HEMK2: variants seen among roughly 807,000 people sequenced by gnomAD.
The protein encoded by HEMK2 is methyltransferase HEMK2.
the HEMK2 span, among the ~76,000 whole-genome samples, chr21:28,864,598 C>A: frequency 1.6e-4 from 25 of 152,246 alleles, no homozygotes; most frequent in East Asian, 3.3e-3. Context: ...GACCCATATG[C>A]ATAAACATTT....
At chr21:28,712,604 A>G in the HEMK2 span, among the ~76,000 whole-genome samples, 1 of 152,190 alleles carries the variant, frequency 6.6e-6, no homozygotes, top group Admixed American at 6.5e-5. Flanking sequence ...CAACAATCAA[A>G]GCCAAGAACA....
At chr21:28,663,628 T>C in the HEMK2 span, among the ~76,000 whole-genome samples, 2 of 152,186 alleles carry the variant, frequency 1.3e-5, no homozygotes, top group Non-Finnish European at 1.5e-5. Context: ...TAATGCAATG[T>C]TGGTTACTTG....
chr21:28,781,398 C>T, the HEMK2 span, among the ~76,000 whole-genome samples: 2 of 152,126 alleles, frequency 1.3e-5, no homozygotes, highest in African/African-American at 4.8e-5. Flanking sequence ...CATATAGCTA[C>T]CCATGACGCC....
At chr21:28,619,998 A>G in the HEMK2 span, among the ~76,000 whole-genome samples, 9 of 152,170 alleles carry the variant, frequency 5.9e-5, no homozygotes, top group Non-Finnish European at 1.3e-4. Flanking sequence ...AAACAATTTG[A>G]CTTCCACTCA....
chr21:28,677,829 T>C, the HEMK2 span, among the ~76,000 whole-genome samples: 1 of 152,202 alleles, frequency 6.6e-6, no homozygotes, highest in Non-Finnish European at 1.5e-5. Context: ...GATATGCAGC[T>C]GAGGGTCCTG....
At chr21:28,882,349 G>T in the HEMK2 span, 6 of 832,960 alleles carry the variant, frequency 7.2e-6, no homozygotes, top group Non-Finnish European at 9.2e-6. Context: ...ACACAGAACA[G>T]ATTTAGAAAA....
chr21:28,677,479 T>C, the HEMK2 span, among the ~76,000 whole-genome samples: 1 of 152,222 alleles, frequency 6.6e-6, no homozygotes, highest in Non-Finnish European at 1.5e-5. Context: ...GGGCAGGGCA[T>C]AGCCAAACAA....
chr21:28,600,638 A>C, the HEMK2 span, among the ~76,000 whole-genome samples: 2,716 of 152,318 alleles, frequency 0.018, 108 homozygotes, highest in African/African-American at 0.063. Flanking sequence ...CTGCAACTAG[A>C]TTGAATTTCT....
the HEMK2 span, among the ~76,000 whole-genome samples, chr21:28,667,348 T>C: frequency 6.6e-6 from 1 of 152,176 alleles, no homozygotes; most frequent in Admixed American, 6.5e-5. Context: ...CCATAATTTG[T>C]GTTTCTTTGA....
chr21:28,821,385 T>C, the HEMK2 span, among the ~76,000 whole-genome samples: 4,733 of 152,292 alleles, frequency 0.031, 151 homozygotes, highest in Non-Finnish European at 0.045. Flanking sequence ...GTGGAGATAA[T>C]AGCAAAACTG....
At chr21:28,658,402 C>T in the HEMK2 span, among the ~76,000 whole-genome samples, 2 of 151,968 alleles carry the variant, frequency 1.3e-5, no homozygotes, top group South Asian at 2.1e-4. Context: ...TTCAGTGGGG[C>T]TCCTGATGAG....
the HEMK2 span, among the ~76,000 whole-genome samples, chr21:28,719,510 T>C: frequency 1.3e-5 from 2 of 152,208 alleles, no homozygotes; most frequent in Admixed American, 6.5e-5. Context: ...TTTGCCATGA[T>C]TGTGAGGCCT....
chr21:28,868,976 ATT>A, the HEMK2 span, among the ~76,000 whole-genome samples: 7 of 143,536 alleles, frequency 4.9e-5, no homozygotes, highest in African/African-American at 1.8e-4. Flanking sequence ...TTTCCCTTTC[ATT>A]TTTTTTTTTC....
At chr21:28,660,140 A>C in the HEMK2 span, among the ~76,000 whole-genome samples, 1 of 151,894 alleles carries the variant, frequency 6.6e-6, no homozygotes, top group Non-Finnish European at 1.5e-5. Flanking sequence ...AATAAAACTG[A>C]TCAAGCTGAA....
chr21:28,853,964 A>C, the HEMK2 span, among the ~76,000 whole-genome samples: 1 of 152,136 alleles, frequency 6.6e-6, no homozygotes, highest in Non-Finnish European at 1.5e-5. Flanking sequence ...AGCCATATAC[A>C]CGATAAGAGC....
chr21:28,711,245 C>T, the HEMK2 span, among the ~76,000 whole-genome samples: 2 of 152,186 alleles, frequency 1.3e-5, no homozygotes, highest in Non-Finnish European at 2.9e-5. Flanking sequence ...GAGACGCTTT[C>T]ATTATTGTAT....
chr21:28,589,772 G>A, the HEMK2 span, among the ~76,000 whole-genome samples: 200 of 152,168 alleles, frequency 1.3e-3, 1 homozygote, highest in African/African-American at 4.5e-3. Context: ...TGTATAGGTT[G>A]ATCATTACTA....
At chr21:28,803,288 T>C in the HEMK2 span, among the ~76,000 whole-genome samples, 2 of 152,160 alleles carry the variant, frequency 1.3e-5, no homozygotes, top group African/African-American at 4.8e-5. Flanking sequence ...AACATACACA[T>C]CCTAAAACCT....
the HEMK2 span, among the ~76,000 whole-genome samples, chr21:28,827,351 T>A: frequency 2.6e-5 from 4 of 152,208 alleles, no homozygotes; most frequent in African/African-American, 9.6e-5. Context: ...AGTCCTTCCT[T>A]CTCAGAAGCT....
Sources: allele counts gnomAD v4.1 joint callset (sites outside exome capture counted in the v4.1 genomes callset), GRCh38; gene constraint gnomAD v4.1.1; transcripts MANE v1.5; gene names NCBI Gene and HGNC (gene_info 2026-07-23, HGNC 2026-07-21).